The following ATXN2 variants were observed in gnomAD, a reference collection of about 807,000 sequenced individuals.
The protein encoded by ATXN2 is ataxin-2.
In ATXN2, 37 loss-of-function variants were observed where a neutral mutation model predicts 138.6. The ratio of observed to expected loss-of-function variants is 0.27; its 90% confidence interval spans 0.21 to 0.35. ATXN2 has a LOEUF of 0.35. Ranked by LOEUF, ATXN2 falls within the 10% of genes least tolerant of loss-of-function variation. ATXN2 has a pLI of 1.00. For synonymous variants in ATXN2, 549 were observed against 543.7 expected (o/e 1.01, Z -0.13); for missense variants, 1,216 against 1,480.3 (o/e 0.82, Z 2.93).
intron 5 of ATXN2, among the ~76,000 whole-genome samples, chr12:111,541,536 A>G (rs1566053305): frequency 6.8e-6 from 1 of 147,452 alleles, no homozygotes; most frequent in Non-Finnish European, 1.5e-5. Context: ...TTTTTAGTAG[A>G]GACGGGGTTT....
At chr12:111,597,968 G>A (rs1295744909) in intron 1 of ATXN2, 1 of 1,222,896 alleles carries the variant, frequency 8.2e-7, no homozygotes, top group Non-Finnish European at 1.0e-6. Flanking sequence ...AATGCGGATC[G>A]GCCACCACCC....
rs1019925570 is a variant in ATXN2 at position 111,453,074 on chromosome 12, A to G, written c.3440-234T>C. ...GATAAAACTCCCAGAAGACTTGTTC[A>G]TGGGGTAGAAAAAAAGGCCTTAACA... On this transcript the variant is annotated intron_variant, in intron 24 of 24. Transcript: ENST00000673436. This position sits in a 1 kb window ranked among gnomAD's most constrained non-coding sequence, Gnocchi z 5.4. 37 of 1,288,210 alleles carry G rather than the reference A, an allele frequency of 2.9e-5. No individual in the cohort carries two copies. The African/African-American group carries it at 5.6e-4, about 20-fold the overall frequency. The allele number at this position is 1,288,210 out of a possible 1,614,324, so 79.8% of individuals were successfully genotyped here.
chr12:111,524,050 A>C (rs951156076), intron 6 of ATXN2, among the ~76,000 whole-genome samples: 11 of 152,242 alleles, frequency 7.2e-5, no homozygotes, highest in Middle Eastern at 3.2e-3. Context: ...TCTCTCCAGA[A>C]AGACTCTATC....
At position 111,453,213 on chromosome 12, in the gene ATXN2, C is replaced by T; in HGVS notation, c.3440-373G>A. ...TAGTAGAGCACAATCACAGGGCGCT[C>T]TCCCCTGTTCAGGGGCTGGGGCTAA... On this transcript the variant is annotated intron_variant, in intron 24 of 24. Coordinates refer to ENST00000673436, the MANE Select transcript of ATXN2 (RefSeq NM_001372574.1). This position sits in a 1 kb window ranked among gnomAD's most constrained non-coding sequence, Gnocchi z 5.4. The T allele has an allele frequency of 9.2e-7, 1 of 1,086,906 alleles. No homozygotes were observed. The highest frequency in any genetic ancestry group is 5.0e-5 in the Admixed American group (1 of 19,960). The allele number at this position is 1,086,906 out of a possible 1,614,324, so 67.3% of individuals were successfully genotyped here.
intron 1 of ATXN2, among the ~76,000 whole-genome samples, chr12:111,557,471 A>G (rs1326668103): frequency 6.6e-6 from 1 of 152,238 alleles, no homozygotes; most frequent in African/African-American, 2.4e-5. Context: ...CTGAAGTCTA[A>G]GGAATATGAC....
In ATXN2 at chr12:111,456,055, G is replaced by A. The variant is rs748264499; in HGVS notation, c.3244C>T (p.Pro1082Ser). The change falls in exon 23 of 25, where the codon CCA (proline) becomes TCA (serine). Residue 1082 changes from proline (P) to serine (S), a missense_variant. By Grantham distance (74) the Pro-to-Ser change is moderately conservative (BLOSUM62 -1). This residue lies in a region of ATXN2 where 490 missense variants were observed against 653.5 expected (regional missense o/e 0.75). Coordinates refer to ENST00000673436, the MANE Select transcript of ATXN2 (RefSeq NM_001372574.1). ...PSHVQPAYTN[P>S]PHMAHVPQAH... ...TGAGGTACGTGGGCCATGTGGGGTG[G>A]GTTGGTATACGCCGGCTGAACGTGA... is the stretch of plus-strand genomic sequence containing the variant. 6.8e-6 allele frequency: 11 copies of A among 1,614,194 alleles called. No individual in the cohort carries two copies. The highest frequency in any genetic ancestry group is 4.5e-5 in the East Asian group (2 of 44,886).
intron 22 of ATXN2, among the ~76,000 whole-genome samples, chr12:111,456,968 T>TC (rs1875152477): frequency 6.6e-6 from 1 of 152,104 alleles, no homozygotes; most frequent in Non-Finnish European, 1.5e-5. Context: ...CAGGATGGTC[T>TC]CAATCTCCTG....
At position 111,552,968 on chromosome 12, in the gene ATXN2, A is replaced by G; in HGVS notation, c.358T>C (p.Cys120Arg). The change falls in exon 4 of 25, where the codon TGT (cysteine) becomes CGT (arginine). Residue 120 changes from cysteine to arginine, a missense_variant. By Grantham distance (180) the Cys-to-Arg change is radical (BLOSUM62 -3). This residue lies in a region of ATXN2 where 401 missense variants were observed against 528.1 expected (regional missense o/e 0.76). Transcript: ENST00000673436. This position sits in a 1 kb window ranked among gnomAD's most constrained non-coding sequence, Gnocchi z 4.1. ...CCTCCATTTTTCACTTGTACTTCAC[A>G]TTTGGAGCCCTAAAAACATATAATT... Reference protein sequence around the residue: ...HILTSVVGSKCEVQVKNGGIY... With the variant: ...HILTSVVGSKREVQVKNGGIY... 6.4e-7 allele frequency: 1 copy of G among 1,559,930 alleles called. No individual in the cohort carries two copies. The highest frequency in any genetic ancestry group is 8.6e-7 in the Non-Finnish European group (1 of 1,156,750).
chr12:111,561,430 G>T (rs1328230509), intron 1 of ATXN2, among the ~76,000 whole-genome samples: 5 of 152,110 alleles, frequency 3.3e-5, no homozygotes, highest in African/African-American at 1.2e-4. Flanking sequence ...AACCCAGGAG[G>T]TGGAGGCTGC....
At chr12:111,548,992 T>C (rs1468524310) in intron 5 of ATXN2, among the ~76,000 whole-genome samples, 2 of 152,062 alleles carry the variant, frequency 1.3e-5, no homozygotes, top group Non-Finnish European at 2.9e-5. Context: ...CAAAGTGAGA[T>C]TACAGGAGTG....
chr12:111,515,293 AG>A lies in ATXN2; in HGVS notation c.1375+860del, dbSNP rs577045990. Reference sequence around the variant, plus strand: ...ATTAACTAATTTTAATGAACAAATCAGATTAAAATTTTAACACAAATATTCA... The same window carrying A: ...ATTAACTAATTTTAATGAACAAATCAATTAAAATTTTAACACAAATATTCA... On this transcript the variant is annotated intron_variant, in intron 10 of 24. Transcript: ENST00000673436. Among the ~76,000 whole-genome samples the A allele has an allele frequency of 1.5e-3, 232 of 152,234 alleles. 1 individual carries two copies. Among genetic ancestry groups the A allele is most frequent in the Non-Finnish European group, 2.7e-3 (182 of 68,042 alleles).
chr12:111,584,377 C>CAAAAAAAAAAA lies in ATXN2; in HGVS notation c.251+14396_251+14406dup, dbSNP rs58678794. 1.9e-3 allele frequency among the ~76,000 whole-genome samples: 83 copies of CAAAAAAAAAAA among 44,738 alleles called. 5 individuals are homozygous for CAAAAAAAAAAA. The highest frequency in any genetic ancestry group is 5.4e-3 in the African/African-American group (75 of 13,958). The allele number at this position is 44,738 out of a possible 152,430, so 29.3% of individuals were successfully genotyped here. A position where few individuals can be genotyped will look rare whatever the true frequency, so the allele number is the denominator to read the frequency against. ...AGCCTTGGTGACAGAGACCCTGTCT[C>CAAAAAAAAAAA]AAAAAAAAAAAAAAAAAAAAAAAAA... On this transcript the variant is annotated intron_variant, in intron 1 of 24. Coordinates refer to ENST00000673436, the MANE Select transcript of ATXN2 (RefSeq NM_001372574.1).
chr12:111,490,114 T>C (rs927838383), intron 14 of ATXN2, among the ~76,000 whole-genome samples: 3 of 149,734 alleles, frequency 2.0e-5, no homozygotes, highest in African/African-American at 7.4e-5. Flanking sequence ...GGCTGACATA[T>C]GAGAATTGCT....
intron 5 of ATXN2, among the ~76,000 whole-genome samples, chr12:111,542,117 G>A (rs1046917802): frequency 1.4e-5 from 2 of 147,116 alleles, no homozygotes; most frequent in South Asian, 2.1e-4. Flanking sequence ...AATTGACAAC[G>A]TTGTAGTATT....
At chr12:111,490,038 A>G (rs1877918613) in intron 14 of ATXN2, among the ~76,000 whole-genome samples, 1 of 146,082 alleles carries the variant, frequency 6.8e-6, no homozygotes, top group South Asian at 2.3e-4. Context: ...CTCCGTCTCT[A>G]CTAAAGATAA....
chr12:111,579,552 G>A (rs1032780178), intron 1 of ATXN2, among the ~76,000 whole-genome samples: 9 of 151,956 alleles, frequency 5.9e-5, no homozygotes, highest in Non-Finnish European at 8.8e-5. Context: ...GTGAGACATC[G>A]CACCCGGCCT....
At chr12:111,565,579 G>A (rs616513) in intron 1 of ATXN2, among the ~76,000 whole-genome samples, 5 of 151,872 alleles carry the variant, frequency 3.3e-5, no homozygotes, top group Non-Finnish European at 5.9e-5. Flanking sequence ...CACCACAAAC[G>A]GTCCATATAA....
At chr12:111,495,480 C>T (rs1475123270) in intron 14 of ATXN2, among the ~76,000 whole-genome samples, 3 of 151,920 alleles carry the variant, frequency 2.0e-5, no homozygotes, top group African/African-American at 7.3e-5. Context: ...GAGACAAAGT[C>T]TATAAAAACA....
At chr12:111,551,290 C>T (rs572267769) in intron 5 of ATXN2, among the ~76,000 whole-genome samples, 32 of 143,388 alleles carry the variant, frequency 2.2e-4, no homozygotes, top group African/African-American at 7.9e-4. Context: ...AACAAGACTC[C>T]GTCTCAAAAA....
Sources: gnomAD v4.1 joint callset for allele counts (sites outside exome capture counted in the v4.1 genomes callset) on GRCh38, gnomAD v4.1.1 for gene constraint, gnomAD v4.1.1 regional missense constraint, Gnocchi (gnomAD v3.1) non-coding constraint, MANE v1.5 for transcripts, NCBI Gene and HGNC (gene_info 2026-07-23, HGNC 2026-07-21) for gene names.